Variants in GLT1D1 observed in about 807,000 individuals in gnomAD.
GLT1D1 encodes glycosyltransferase 1 domain-containing protein 1.
A neutral mutation model predicts 28.7 loss-of-function variants in GLT1D1; 21 were observed. The observed-to-expected ratio is 0.73, with a 90% confidence interval of 0.52 to 1.05. The LOEUF (loss-of-function observed/expected upper bound fraction) is 1.05. GLT1D1 is among the 50% of genes least tolerant of loss of function. The pLI is 0.00. For missense variants in GLT1D1, 343 were observed against 330.6 expected, an observed-to-expected ratio of 1.04 and a Z score of -0.29; for synonymous variants, 147 against 124.8, an observed-to-expected ratio of 1.18 and a Z score of -1.19.
intron 4 of GLT1D1, among the ~76,000 whole-genome samples, chr12:128,928,032 AGAAT>A (rs1381480804): frequency 2.1e-4 from 31 of 147,416 alleles, no homozygotes; most frequent in African/African-American, 7.4e-4. Flanking sequence ...AAAACAAAAA[AGAAT>A]AGAAAAAAAG....
chr12:128,919,982 TCTCTCTCTCCCC>T (rs750110773), intron 4 of GLT1D1, among the ~76,000 whole-genome samples: 1,437 of 5,934 alleles, frequency 0.24, 77 homozygotes, highest in South Asian at 0.44. Context: ...TCTCTCTCTC[TCTCTCTCTCCCC>T]CTCCATCTCT....
chr12:128,869,310 C>T (rs1467652587), intron 1 of GLT1D1, among the ~76,000 whole-genome samples: 2 of 152,088 alleles, frequency 1.3e-5, no homozygotes, highest in Non-Finnish European at 2.9e-5. Flanking sequence ...GGGACTACTA[C>T]AGGCGTGAAC....
chr12:128,865,152 A>G (rs1302481384), intron 1 of GLT1D1, among the ~76,000 whole-genome samples: 1 of 152,152 alleles, frequency 6.6e-6, no homozygotes, highest in Non-Finnish European at 1.5e-5. Flanking sequence ...AGGACCTGCT[A>G]TCCTCTGCGC....
At chr12:128,865,910 G>A (rs1430887550) in intron 1 of GLT1D1, among the ~76,000 whole-genome samples, 1 of 152,036 alleles carries the variant, frequency 6.6e-6, no homozygotes, top group African/African-American at 2.4e-5. Context: ...CTATTGAATA[G>A]CATTTCCATT....
intron 1 of GLT1D1, among the ~76,000 whole-genome samples, chr12:128,859,372 G>C (rs547179333): frequency 6.6e-6 from 1 of 152,300 alleles, no homozygotes; most frequent in Admixed American, 6.5e-5. Context: ...GTAGATCAGC[G>C]ACTCTGCCTC....
chr12:128,895,286 A>G (rs1486167680), intron 3 of GLT1D1, among the ~76,000 whole-genome samples: 1 of 152,114 alleles, frequency 6.6e-6, no homozygotes, highest in African/African-American at 2.4e-5. Flanking sequence ...ATATATGCAC[A>G]TATACAACTA....
At chr12:128,907,076 C>A in intron 4 of GLT1D1, 1 of 652,022 alleles carries the variant, frequency 1.5e-6, no homozygotes, top group South Asian at 1.7e-5. Flanking sequence ...TTACTTCTCC[C>A]TCTTCCTGCA....
intron 2 of GLT1D1, among the ~76,000 whole-genome samples, chr12:128,880,148 ATTTCTCCTC>A (rs1957000401): frequency 6.6e-6 from 1 of 152,180 alleles, no homozygotes; most frequent in Non-Finnish European, 1.5e-5. Flanking sequence ...GCAAGGACTT[ATTTCTCCTC>A]TAGTCAGATT....
chr12:128,973,236 C>A (rs1229338018), intron 7 of GLT1D1, among the ~76,000 whole-genome samples: 2 of 117,186 alleles, frequency 1.7e-5, no homozygotes, highest in Non-Finnish European at 3.4e-5. Context: ...GGGCTGGAGT[C>A]CAGTGACACG....
At chr12:128,875,821 CCAA>C in intron 1 of GLT1D1, 90 bp from the exon 2 acceptor site, 1 of 1,150,614 alleles carries the variant, frequency 8.7e-7, no homozygotes, top group Non-Finnish European at 1.2e-6. Context: ...ACAACAACAA[CCAA>C]AAAAAAAAAA....
chr12:128,950,554 T>C (rs943800983), intron 6 of GLT1D1, among the ~76,000 whole-genome samples: 1 of 152,174 alleles, frequency 6.6e-6, no homozygotes, highest in Non-Finnish European at 1.5e-5. Context: ...CAGCCCCAGG[T>C]ATACACCAGA....
chr12:128,909,255 G>A (rs2135879046), intron 4 of GLT1D1, among the ~76,000 whole-genome samples: 1 of 152,166 alleles, frequency 6.6e-6, no homozygotes, highest in South Asian at 2.1e-4. Context: ...TCTTTGTGTG[G>A]TTGGTTCCAT....
chr12:128,885,276 G>A (rs1246447580), intron 2 of GLT1D1, among the ~76,000 whole-genome samples: 4 of 152,150 alleles, frequency 2.6e-5, no homozygotes, highest in Non-Finnish European at 4.4e-5. Flanking sequence ...AGGCTGGAGT[G>A]CAGTGGCACA....
At chr12:128,939,453 G>A (rs1421654984) in intron 4 of GLT1D1, among the ~76,000 whole-genome samples, 2 of 151,390 alleles carry the variant, frequency 1.3e-5, no homozygotes, top group African/African-American at 2.4e-5. Context: ...CGGGCACAGT[G>A]GCTCATGCTT....
At chr12:128,866,858 T>C (rs1313584515) in intron 1 of GLT1D1, among the ~76,000 whole-genome samples, 1 of 151,610 alleles carries the variant, frequency 6.6e-6, no homozygotes, top group Non-Finnish European at 1.5e-5. Flanking sequence ...TGACCTCAGG[T>C]CATCCACCCA....
intron 1 of GLT1D1, among the ~76,000 whole-genome samples, chr12:128,874,341 C>G (rs1440149993): frequency 1.3e-5 from 2 of 151,274 alleles, no homozygotes; most frequent in Non-Finnish European, 2.9e-5. Context: ...ACCACCACAC[C>G]TGGCTAATTT....
rs1412446372 is a variant in GLT1D1, at chr12:128,888,388, A to AG, written c.218-250dup. ...GCTAACAATATTTTTTATTTGCTAA[A>AG]GTTTAAAATGAATTAATTGAAAGAT... On this transcript the variant is annotated intron_variant, in intron 2 of 7. Transcript: ENST00000281703. Among the ~76,000 whole-genome samples, 6 of 152,296 alleles carry AG rather than the reference A, an allele frequency of 3.9e-5. No homozygotes were observed. The East Asian group carries it at 1.2e-3, about 29-fold the overall frequency.
At chr12:128,929,363 T>C (rs894050821) in intron 4 of GLT1D1, among the ~76,000 whole-genome samples, 4 of 152,224 alleles carry the variant, frequency 2.6e-5, no homozygotes, top group Non-Finnish European at 5.9e-5. Context: ...CCAAGCAGTT[T>C]GGAAAACAAA....
At chr12:128,947,560 T>C (rs1273409287) in intron 6 of GLT1D1, 102 bp downstream of exon 10, 4 of 1,376,788 alleles carry the variant, frequency 2.9e-6, no homozygotes, top group East Asian at 2.3e-5. Flanking sequence ...ATTCTGCACT[T>C]CTCAAAGCTA....
Sources: gnomAD v4.1 joint callset for allele counts (sites outside exome capture counted in the v4.1 genomes callset) on GRCh38, gnomAD v4.1.1 for gene constraint, MANE v1.5 for transcripts, NCBI Gene and HGNC (gene_info 2026-07-23, HGNC 2026-07-21) for gene names.